GALNT17: variants seen among roughly 807,000 people sequenced by gnomAD.
GALNT17 encodes the protein polypeptide N-acetylgalactosaminyltransferase 17, also known as UDP-GalNAc:polypeptide N-acetylgalactosaminyltransferase-like 3.
In GALNT17, 29 loss-of-function variants were observed where a neutral mutation model predicts 63.7. The observed-to-expected ratio is 0.46, with a 90% CI of 0.34 to 0.62. The LOEUF is 0.62. Ranked by LOEUF, GALNT17 falls within the 20% of genes least tolerant of loss-of-function variation. The pLI is 0.01. For missense variants in GALNT17, 603 were observed against 799.6 expected (o/e 0.75, Z 2.97); for synonymous variants, 305 against 318.3 (o/e 0.96, Z 0.45).
At chr7:71,594,835 A>G (rs556830325) in intron 6 of GALNT17, among the ~76,000 whole-genome samples, 1 of 152,320 alleles carries the variant, frequency 6.6e-6, no homozygotes, top group East Asian at 1.9e-4. Context: ...CAGATAGGAA[A>G]TAGTGTATTA....
chr7:71,164,775 C>T (rs1298563280), intron 1 of GALNT17, among the ~76,000 whole-genome samples: 1 of 152,144 alleles, frequency 6.6e-6, no homozygotes, highest in Non-Finnish European at 1.5e-5. Flanking sequence ...ATGAGGTTAT[C>T]TAAAGACGAT....
rs766122576 is a variant in GALNT17 at position 71,388,337 on chromosome 7, C to T, written c.525C>T (p.Ala175=). 15 of 1,613,960 alleles carry T rather than the reference C, an allele frequency of 9.3e-6. No homozygotes were observed. Among genetic ancestry groups the T allele is most frequent in the South Asian group, 2.2e-5 (2 of 91,066 alleles). Residue 175 remains alanine, a synonymous_variant, in exon 3 of 11, where the codon GCC becomes GCT. Transcript: ENST00000333538. ...TGATCCTGCGGTCCGTGCACAGTGC[C>T]GTCAATCACACGCCCACACACCTGC... ...LSVILRSVHS[A]VNHTPTHLLK...
intron 1 of GALNT17, among the ~76,000 whole-genome samples, chr7:71,207,738 G>A (rs13231872): frequency 0.031 from 4,784 of 152,210 alleles, 97 homozygotes; most frequent in Middle Eastern, 0.071. Flanking sequence ...TGGGAGCCTT[G>A]TGTGCCCATT....
chr7:71,401,703 C>T (rs1463001392), intron 3 of GALNT17, among the ~76,000 whole-genome samples: 3 of 152,080 alleles, frequency 2.0e-5, no homozygotes, highest in East Asian at 3.9e-4. Flanking sequence ...ATCTAGGTTG[C>T]GCGCTCCTTA....
intron 6 of GALNT17, among the ~76,000 whole-genome samples, chr7:71,592,737 C>T (rs1789828343): frequency 2.0e-5 from 3 of 152,034 alleles, no homozygotes; most frequent in Admixed American, 2.0e-4. Context: ...CTGGGGGCTC[C>T]CCCTGATTGG....
At chr7:71,328,141 G>A (rs1030177211) in intron 1 of GALNT17, among the ~76,000 whole-genome samples, 3 of 152,188 alleles carry the variant, frequency 2.0e-5, no homozygotes, top group Admixed American at 2.0e-4. Context: ...ACCTTAATCT[G>A]TCCTTCCTCT....
At chr7:71,479,589 T>C (rs1787779971) in intron 5 of GALNT17, among the ~76,000 whole-genome samples, 1 of 152,182 alleles carries the variant, frequency 6.6e-6, no homozygotes, top group Non-Finnish European at 1.5e-5. Flanking sequence ...ATGACTTTTT[T>C]TTTTTCCTGT....
At chr7:71,299,848 C>A (rs972288429) in intron 1 of GALNT17, among the ~76,000 whole-genome samples, 1 of 152,018 alleles carries the variant, frequency 6.6e-6, no homozygotes, top group African/African-American at 2.4e-5. Context: ...TCACTGCAAC[C>A]TCCGCCTCCC....
intron 2 of GALNT17, among the ~76,000 whole-genome samples, chr7:71,341,650 T>A (rs1262837726): frequency 1.3e-5 from 2 of 152,126 alleles, no homozygotes; most frequent in Non-Finnish European, 2.9e-5. Context: ...GAGAAAAAAA[T>A]AATGTTCCAT....
intron 5 of GALNT17, among the ~76,000 whole-genome samples, chr7:71,534,914 C>T (rs1349807982): frequency 6.6e-6 from 1 of 152,212 alleles, no homozygotes; most frequent in Non-Finnish European, 1.5e-5. Context: ...GAGAACTACA[C>T]TTCTGTGATA....
In GALNT17 at chr7:71,456,117, G is replaced by A. The variant is rs1207649876; in HGVS notation, c.962+35012G>A. Among the ~76,000 whole-genome samples the A allele has an allele frequency of 5.3e-5, 8 of 152,010 alleles. 1 individual carries two copies. The highest frequency in any genetic ancestry group is 1.3e-4 in the Admixed American group (2 of 15,260). ...AAAAATTATCTGGGCGTGGTGCCAC[G>A]TGCCTGTAGTCCCAGCTATTCAGGA... On this transcript the variant is annotated intron_variant, in intron 5 of 10. Transcript: ENST00000333538.
intron 5 of GALNT17, among the ~76,000 whole-genome samples, chr7:71,543,206 A>G (rs1397756161): frequency 2.0e-5 from 3 of 152,104 alleles, no homozygotes; most frequent in Non-Finnish European, 4.4e-5. Flanking sequence ...TTCCCATCCA[A>G]GTTATTTTTC....
chr7:71,305,061 G>C (rs1425666548), intron 1 of GALNT17, among the ~76,000 whole-genome samples: 2 of 152,198 alleles, frequency 1.3e-5, no homozygotes, highest in Admixed American at 6.5e-5. Context: ...AATTCTTTCT[G>C]TGTAAGGAGA....
chr7:71,399,109 C>A (rs767717175), intron 3 of GALNT17, among the ~76,000 whole-genome samples: 32 of 152,154 alleles, frequency 2.1e-4, no homozygotes, highest in Non-Finnish European at 4.0e-4. Flanking sequence ...TGGTGCACGC[C>A]TGTAATCCCA....
At chr7:71,267,725 G>A (rs1292453961) in intron 1 of GALNT17, among the ~76,000 whole-genome samples, 1 of 152,062 alleles carries the variant, frequency 6.6e-6, no homozygotes, top group East Asian at 1.9e-4. Flanking sequence ...GGGTACAGGT[G>A]CAGGAGGTAC....
At chr7:71,627,507 G>A (rs143547363) in intron 6 of GALNT17, among the ~76,000 whole-genome samples, 16 of 152,324 alleles carry the variant, frequency 1.1e-4, no homozygotes, top group African/African-American at 3.6e-4. Context: ...CCCAATGGCG[G>A]GCAGTGGGCA....
chr7:71,343,651 T>C (rs564775971), intron 2 of GALNT17, among the ~76,000 whole-genome samples: 10 of 152,208 alleles, frequency 6.6e-5, no homozygotes, highest in Admixed American at 5.2e-4. Flanking sequence ...AGAATACTTA[T>C]AAATATTCTA....
At position 71,239,874 on chromosome 7, in the gene GALNT17, C is replaced by G. The variant is rs78268965; in HGVS notation, c.239-95676C>G. ...AAATGAGTTTTACATTGTTATTCTT[C>G]AAGAATAAAGTGATAAGTGACTTCA... On this transcript the variant is annotated intron_variant, in intron 1 of 10. Coordinates refer to ENST00000333538, the MANE Select transcript of GALNT17 (RefSeq NM_022479.3). Among the ~76,000 whole-genome samples the G allele has an allele frequency of 2.6e-5, 4 of 152,258 alleles. 1 individual carries two copies. The East Asian group carries it at 7.7e-4, about 29-fold the overall frequency.
intron 1 of GALNT17, among the ~76,000 whole-genome samples, chr7:71,188,629 T>C (rs1221707239): frequency 6.6e-6 from 1 of 152,224 alleles, no homozygotes; most frequent in Non-Finnish European, 1.5e-5. Flanking sequence ...TTCTGGATAT[T>C]AATCCTTTGT....
Sources: allele counts gnomAD v4.1 joint callset (sites outside exome capture counted in the v4.1 genomes callset), GRCh38; gene constraint gnomAD v4.1.1; transcripts MANE v1.5; gene names NCBI Gene and HGNC (gene_info 2026-07-23, HGNC 2026-07-21).